PCED1B: variants seen among roughly 807,000 people sequenced by gnomAD.
The protein encoded by PCED1B is PC-esterase domain-containing protein 1B.
For missense variants in PCED1B, 573 were observed against 573.9 expected, an observed-to-expected ratio of 1.00 and a Z score of 0.02; for synonymous variants, 251 against 246.1, an observed-to-expected ratio of 1.02 and a Z score of -0.19.
At chr12:47,211,938 A>G (rs543550269) in intron 2 of PCED1B, among the ~76,000 whole-genome samples, 2,132 of 150,812 alleles carry the variant, frequency 0.014, 23 homozygotes, top group Admixed American at 0.04. Context: ...AGCCGGGCGT[A>G]GTGGCGGGCG....
At chr12:47,226,582 C>T (rs540661592) in intron 3 of PCED1B, among the ~76,000 whole-genome samples, 52 of 152,286 alleles carry the variant, frequency 3.4e-4, no homozygotes, top group Middle Eastern at 3.4e-3. Context: ...AACATGTTGG[C>T]CAGGCTGGTC....
chr12:47,154,082 T>C (rs575953462), intron 2 of PCED1B, among the ~76,000 whole-genome samples: 1 of 152,362 alleles, frequency 6.6e-6, no homozygotes, highest in South Asian at 2.1e-4. Flanking sequence ...CTACACAACT[T>C]GCAAGCAAGG....
In PCED1B at chr12:47,236,565, C is replaced by T. The variant is rs1156769903; in HGVS notation, c.*203C>T. ...CTTCTTGGCTGCAGCCTCTTCCCCA[C>T]TTCCTGGGAGTGACCCAGCGTTATT... is the stretch of plus-strand genomic sequence containing the variant. On this transcript the variant is annotated 3_prime_UTR_variant, in exon 4 of 4. Coordinates refer to ENST00000546455, the MANE Select transcript of PCED1B (RefSeq NM_138371.3). 9.0e-6 allele frequency: 5 copies of T among 555,032 alleles called. No individual in the cohort carries two copies. Among genetic ancestry groups the T allele is most frequent in the Non-Finnish European group, 1.6e-5 (5 of 316,382 alleles). The allele number at this position is 555,032 out of a possible 1,614,324, so 34.4% of individuals were successfully genotyped here.
At chr12:47,081,347 G>C (rs910373314) in intron 1 of PCED1B, among the ~76,000 whole-genome samples, 1 of 152,188 alleles carries the variant, frequency 6.6e-6, no homozygotes, top group African/African-American at 2.4e-5. Context: ...TGAATTTAGT[G>C]AAAGTTGTTT....
chr12:47,202,594 TAAAAAAAAAAAAA>T (rs60769675), intron 2 of PCED1B, among the ~76,000 whole-genome samples: 3 of 66,678 alleles, frequency 4.5e-5, no homozygotes, highest in African/African-American at 6.0e-5. Flanking sequence ...TAGACATTAG[TAAAAAAAAAAAAA>T]AAAAAAAAAA....
chr12:47,192,002 C>G (rs758705347), intron 2 of PCED1B, among the ~76,000 whole-genome samples: 10 of 152,100 alleles, frequency 6.6e-5, no homozygotes, highest in Non-Finnish European at 1.5e-4. Context: ...CTCATTAACT[C>G]CAACTCAATA....
At chr12:47,234,256 G>C (rs1943902635) in intron 3 of PCED1B, among the ~76,000 whole-genome samples, 1 of 152,180 alleles carries the variant, frequency 6.6e-6, no homozygotes, top group South Asian at 2.1e-4. Flanking sequence ...CCAAAGTGCT[G>C]GGATTACAGG....
At chr12:47,174,208 A>G (rs1258475863) in intron 2 of PCED1B, among the ~76,000 whole-genome samples, 1 of 152,058 alleles carries the variant, frequency 6.6e-6, no homozygotes, top group Non-Finnish European at 1.5e-5. Context: ...CAAGAATTCA[A>G]GACCAGCCTG....
chr12:47,148,308 G>T (rs542673474), intron 2 of PCED1B, among the ~76,000 whole-genome samples: 1 of 152,008 alleles, frequency 6.6e-6, no homozygotes, highest in Non-Finnish European at 1.5e-5. Context: ...ATTTTAGAGG[G>T]GACATTAAAT....
At chr12:47,233,144 G>A (rs1006712051) in intron 3 of PCED1B, among the ~76,000 whole-genome samples, 2 of 152,138 alleles carry the variant, frequency 1.3e-5, no homozygotes, top group Non-Finnish European at 2.9e-5. Context: ...GAGCTCAAGT[G>A]ATCCCTTCCA....
At chr12:47,124,636 T>G (rs60820583) in intron 2 of PCED1B, among the ~76,000 whole-genome samples, 12,584 of 151,906 alleles carry the variant, frequency 0.083, 856 homozygotes, top group African/African-American at 0.19. Flanking sequence ...TTTTAAGAAA[T>G]GAATCAGCAG....
intron 2 of PCED1B, among the ~76,000 whole-genome samples, chr12:47,177,618 G>A (rs553015282): frequency 1.3e-5 from 2 of 152,134 alleles, no homozygotes; most frequent in South Asian, 2.1e-4. Context: ...GGTGGGGTGG[G>A]GGGTGGCAAC....
At chr12:47,138,093 G>T (rs912044686) in intron 2 of PCED1B, 2 of 152,192 alleles carry the variant, frequency 1.3e-5, no homozygotes, top group South Asian at 2.1e-4. Context: ...AAGATGATGA[G>T]TTGGGATAAT....
chr12:47,166,515 T>G (rs1171169386), intron 2 of PCED1B, among the ~76,000 whole-genome samples: 3 of 152,222 alleles, frequency 2.0e-5, no homozygotes, highest in Non-Finnish European at 4.4e-5. Flanking sequence ...GAGAAACATG[T>G]CAATAGCAAT....
At chr12:47,138,256 T>G (rs1940463622) in intron 2 of PCED1B, 1 of 152,198 alleles carries the variant, frequency 6.6e-6, no homozygotes, top group Non-Finnish European at 1.5e-5. Context: ...GGGTAGAACC[T>G]CAAACATGGG....
intron 2 of PCED1B, among the ~76,000 whole-genome samples, chr12:47,184,401 A>G (rs1332039627): frequency 6.6e-6 from 1 of 152,008 alleles, no homozygotes; most frequent in Non-Finnish European, 1.5e-5. Flanking sequence ...TGGATTTCAA[A>G]CCATCCAGGT....
At chr12:47,219,230 G>A (rs2137822448) in intron 3 of PCED1B, among the ~76,000 whole-genome samples, 2 of 152,266 alleles carry the variant, frequency 1.3e-5, no homozygotes, top group East Asian at 3.9e-4. Context: ...AATAATGATA[G>A]CAACAATAAT....
chr12:47,093,404 G>A (rs1323457110), intron 1 of PCED1B, among the ~76,000 whole-genome samples: 1 of 150,214 alleles, frequency 6.7e-6, no homozygotes, highest in African/African-American at 2.4e-5. Context: ...TTTAGATTTT[G>A]ATGTTTTTAA....
chr12:47,176,150 G>A (rs985279712), intron 2 of PCED1B, among the ~76,000 whole-genome samples: 2 of 152,160 alleles, frequency 1.3e-5, no homozygotes, highest in African/African-American at 4.8e-5. Flanking sequence ...ATAAGGAAGA[G>A]AAGTACGATA....
Sources: gnomAD v4.1 joint callset for allele counts (sites outside exome capture counted in the v4.1 genomes callset) on GRCh38, gnomAD v4.1.1 for gene constraint, MANE v1.5 for transcripts, NCBI Gene and HGNC (gene_info 2026-07-23, HGNC 2026-07-21) for gene names.